The following ZBTB20 variants were observed in gnomAD, a reference collection of about 807,000 sequenced individuals.
The protein encoded by ZBTB20 is zinc finger and BTB domain containing 20.
In ZBTB20, 9 loss-of-function variants were observed where a neutral mutation model predicts 56.9. That is an observed-to-expected ratio of 0.16 (90% CI 0.10 to 0.28). The LOEUF (loss-of-function observed/expected upper bound fraction) is 0.28, where lower values mean the gene tolerates loss of function less well. ZBTB20 is among the 10% of genes least tolerant of loss of function. ZBTB20 has a pLI of 1.00. For synonymous variants in ZBTB20, 417 were observed against 420.7 expected (o/e 0.99, Z 0.11); for missense variants, 655 against 1,003.0 (o/e 0.65, Z 4.69).
At chr3:114,612,394 T>A (rs2057627979) in intron 6 of ZBTB20, among the ~76,000 whole-genome samples, 1 of 152,188 alleles carries the variant, frequency 6.6e-6, no homozygotes, top group Non-Finnish European at 1.5e-5. Context: ...AGGTATTGTG[T>A]TTCTGATAGT....
intron 2 of ZBTB20, among the ~76,000 whole-genome samples, chr3:115,037,636 G>A (rs1160990865): frequency 2.0e-5 from 3 of 152,180 alleles, no homozygotes; most frequent in Non-Finnish European, 4.4e-5. Context: ...CTGGGACATA[G>A]TTGGTGATTT....
intron 4 of ZBTB20, among the ~76,000 whole-genome samples, chr3:114,840,396 C>T (rs1335690062): frequency 6.6e-6 from 1 of 152,204 alleles, no homozygotes; most frequent in Non-Finnish European, 1.5e-5. Flanking sequence ...ACTAGTTGTA[C>T]AATACCAAAT....
intron 7 of ZBTB20, among the ~76,000 whole-genome samples, chr3:114,456,201 A>C (rs2092003867): frequency 6.9e-6 from 1 of 144,898 alleles, no homozygotes; most frequent in South Asian, 2.1e-4. Flanking sequence ...GTTTATGTAT[A>C]TATATATATA....
At chr3:115,007,526 C>T (rs577336348) in intron 2 of ZBTB20, among the ~76,000 whole-genome samples, 158 of 151,894 alleles carry the variant, frequency 1.0e-3, no homozygotes, top group Middle Eastern at 3.4e-3. Flanking sequence ...CACTTATATG[C>T]TCAACTTTTT....
chr3:114,659,004 C>T (rs771397870), intron 6 of ZBTB20: 3 of 152,200 alleles, frequency 2.0e-5, no homozygotes, highest in Non-Finnish European at 4.4e-5. Context: ...GAGATTTTGA[C>T]CCATCTCACA....
At chr3:114,948,350 A>G (rs1444080972) in intron 3 of ZBTB20, among the ~76,000 whole-genome samples, 1 of 146,178 alleles carries the variant, frequency 6.8e-6, no homozygotes, top group Non-Finnish European at 1.5e-5. Flanking sequence ...TTTTCAAAAA[A>G]GCAAAAACCA....
At chr3:114,935,162 G>C (rs926553838) in intron 3 of ZBTB20, among the ~76,000 whole-genome samples, 1 of 152,266 alleles carries the variant, frequency 6.6e-6, no homozygotes, top group Non-Finnish European at 1.5e-5. Context: ...AAAATACTTT[G>C]AAACAAAGAA....
chr3:114,677,218 A>T (rs917123032), intron 6 of ZBTB20, among the ~76,000 whole-genome samples: 1 of 152,190 alleles, frequency 6.6e-6, no homozygotes, highest in African/African-American at 2.4e-5. Context: ...GATCTTTAGT[A>T]AATATATTTG....
At chr3:115,085,956 T>C (rs1296320513) in intron 1 of ZBTB20, among the ~76,000 whole-genome samples, 1 of 151,918 alleles carries the variant, frequency 6.6e-6, no homozygotes, top group Non-Finnish European at 1.5e-5. Flanking sequence ...AAAACAATTT[T>C]TAAAAGCACC....
At chr3:114,421,713 C>T (rs78463992) in intron 7 of ZBTB20, among the ~76,000 whole-genome samples, 1,880 of 152,102 alleles carry the variant, frequency 0.012, 20 homozygotes, top group Non-Finnish European at 0.019. Context: ...CTGATTTAGA[C>T]ATACATCAGG....
chr3:114,950,625 T>C (rs989022985), intron 3 of ZBTB20, among the ~76,000 whole-genome samples: 1 of 152,140 alleles, frequency 6.6e-6, no homozygotes, highest in Admixed American at 6.6e-5. Flanking sequence ...CACTATCTAC[T>C]AAAGCTGAAC....
intron 1 of ZBTB20, among the ~76,000 whole-genome samples, chr3:115,121,901 T>G (rs892955803): frequency 1.1e-4 from 16 of 152,172 alleles, no homozygotes; most frequent in Admixed American, 3.9e-4. Flanking sequence ...TTTTCTGTAC[T>G]TGAGAAAGAT....
intron 3 of ZBTB20, among the ~76,000 whole-genome samples, chr3:114,967,076 A>C (rs2077677911): frequency 6.6e-6 from 1 of 152,124 alleles, no homozygotes; most frequent in Non-Finnish European, 1.5e-5. Context: ...AAATACTTAA[A>C]ATACAAAGAG....
intron 3 of ZBTB20, among the ~76,000 whole-genome samples, chr3:114,962,924 T>C (rs981943962): frequency 2.6e-5 from 4 of 152,090 alleles, no homozygotes; most frequent in African/African-American, 7.2e-5. Context: ...GAGTCTCTTG[T>C]GAAACAGGTT....
At chr3:114,421,660 C>G (rs891820092) in intron 7 of ZBTB20, among the ~76,000 whole-genome samples, 1 of 152,090 alleles carries the variant, frequency 6.6e-6, no homozygotes, top group Non-Finnish European at 1.5e-5. Flanking sequence ...TTTAACCCCT[C>G]ACTATTATGA....
intron 1 of ZBTB20, among the ~76,000 whole-genome samples, chr3:115,123,394 A>AT (rs1306913476): frequency 6.6e-6 from 1 of 152,240 alleles, no homozygotes; most frequent in Non-Finnish European, 1.5e-5. Flanking sequence ...TGATCATATA[A>AT]TTTATTTTAG....
chr3:114,950,922 G>C (rs2077044933), intron 3 of ZBTB20, among the ~76,000 whole-genome samples: 1 of 152,066 alleles, frequency 6.6e-6, no homozygotes, highest in South Asian at 2.1e-4. Context: ...CATAATGTGA[G>C]CACAAGAAGC....
intron 7 of ZBTB20, among the ~76,000 whole-genome samples, chr3:114,448,498 T>C (rs1451830300): frequency 6.6e-6 from 1 of 152,080 alleles, no homozygotes; most frequent in African/African-American, 2.4e-5. Context: ...AGATTACTTC[T>C]CCCACTTGTT....
intron 4 of ZBTB20, among the ~76,000 whole-genome samples, chr3:114,868,148 T>C (rs1023981023): frequency 2.6e-5 from 4 of 152,028 alleles, no homozygotes; most frequent in South Asian, 2.1e-4. Flanking sequence ...TTAAAGAAAA[T>C]AGAAAATAAA....
Sources: gnomAD v4.1 joint callset for allele counts (sites outside exome capture counted in the v4.1 genomes callset) on GRCh38, gnomAD v4.1.1 for gene constraint, MANE v1.5 for transcripts, NCBI Gene and HGNC (gene_info 2026-07-23, HGNC 2026-07-21) for gene names.